Variants in GAK observed in about 807,000 individuals in gnomAD.
GAK encodes cyclin G associated kinase, also known as cyclin-G-associated kinase.
Under a neutral mutation model 143.9 loss-of-function variants are expected in GAK, and 79 were observed. The ratio of observed to expected loss-of-function variants is 0.55; its 90% CI spans 0.46 to 0.66. The LOEUF (loss-of-function observed/expected upper bound fraction) is 0.66. GAK is among the 30% of genes least tolerant of loss of function. GAK has a pLI of 0.00. For synonymous variants in GAK, 881 were observed against 765.5 expected (o/e 1.15, Z -2.49); for missense variants, 1,693 against 1,779.7 (o/e 0.95, Z 0.88).
intron 1 of GAK, among the ~76,000 whole-genome samples, chr4:918,801 C>G (rs532478910): frequency 1.3e-5 from 2 of 152,008 alleles, no homozygotes; most frequent in East Asian, 3.9e-4. Context: ...CCAAAGGCCT[C>G]AGCGCCGCAT....
At chr4:889,740 C>T (rs1406062153) in intron 10 of GAK, among the ~76,000 whole-genome samples, 1 of 152,334 alleles carries the variant, frequency 6.6e-6, no homozygotes, top group Non-Finnish European at 1.5e-5. Context: ...CAGCGCCATG[C>T]AGAGCTGCAG....
At chr4:875,604 C>G (rs573986630) in intron 18 of GAK, among the ~76,000 whole-genome samples, 1 of 152,350 alleles carries the variant, frequency 6.6e-6, no homozygotes, top group South Asian at 2.1e-4. Context: ...TGGGAGCCCC[C>G]GTGGGTGCCC....
intron 19 of GAK, among the ~76,000 whole-genome samples, chr4:870,405 G>A (rs1712299030): frequency 6.6e-6 from 1 of 152,168 alleles, no homozygotes; most frequent in Admixed American, 6.5e-5. Context: ...ACAAAAATCT[G>A]ACCCAGACAC....
intron 7 of GAK, among the ~76,000 whole-genome samples, chr4:895,720 T>G (rs944264537): frequency 6.6e-6 from 1 of 152,132 alleles, no homozygotes; most frequent in Non-Finnish European, 1.5e-5. Flanking sequence ...CCTCGGTCAA[T>G]GGGGACATGG....
At chr4:872,477 C>T (rs1712870442) in intron 18 of GAK, 2 of 152,336 alleles carry the variant, frequency 1.3e-5, no homozygotes, top group South Asian at 4.1e-4. Flanking sequence ...GAGGCAACGT[C>T]TGCAGAGGAG....
Position 850,231 on chromosome 4 carries a change from T to G in GAK, c.3658-163A>C, listed in dbSNP as rs997224344. The G allele has an allele frequency of 9.7e-6, 6 of 617,252 alleles. No individual in the cohort carries two copies. In the Admixed American group the frequency reaches 1.6e-4, roughly 16 times the overall value. 38.2% of individuals were successfully genotyped at this position (617,252 alleles called of 1,614,324 possible). Reference sequence around the variant, plus strand: ...ACTGCACGCCCTGCCCTCAACTATATAGAGCCCACTCCGGACGACACAGGG... The same window carrying G: ...ACTGCACGCCCTGCCCTCAACTATAGAGAGCCCACTCCGGACGACACAGGG... On this transcript the variant is annotated intron_variant, in intron 26 of 27. Coordinates refer to ENST00000314167, the MANE Select transcript of GAK (RefSeq NM_005255.4).
At position 904,661 on chromosome 4, in the gene GAK, C is replaced by T. The variant is rs376265226; in HGVS notation, c.501G>A (p.Pro167=). The T allele has an allele frequency of 3.3e-5, 53 of 1,600,112 alleles. No individual in the cohort carries two copies. In the South Asian group the frequency reaches 4.8e-4, roughly 14 times the overall value. The change falls in exon 5 of 28, where the codon CCG becomes CCA. Residue 167 remains proline, a synonymous_variant. Coordinates refer to ENST00000314167, the MANE Select transcript of GAK (RefSeq NM_005255.4). The stretch of plus-strand genomic sequence containing the variant: ...CCTTGAGGTCCCTGTGGATGATGGG[C>T]GGCTTCTGCCGGTGCATGTGCTGCA... ...RAVQHMHRQK[P]PIIHRDLKVE...
In GAK at chr4:884,004, G is replaced by A. The variant is rs1715715858; in HGVS notation, c.1255+33C>T. The A allele has an allele frequency of 3.7e-6, 6 of 1,602,888 alleles. No homozygotes were observed. The East Asian group carries it at 1.1e-4, about 30-fold the overall frequency. ...CACTGGGCACACAGGGAAGGGCCGG[G>A]GCGCGTCCCACAGCCTCATGTGGCA... On this transcript the variant is annotated intron_variant, in intron 12 of 27. Transcript: ENST00000314167.
intron 23 of GAK, among the ~76,000 whole-genome samples, 177 bp from the exon 24 acceptor site, chr4:859,899 G>A (rs1489088151): frequency 6.6e-6 from 1 of 152,138 alleles, no homozygotes; most frequent in African/African-American, 2.4e-5. Flanking sequence ...GGCGGACGCT[G>A]CCTCCATGCC....
chr4:915,977 A>G (rs1420206464), intron 1 of GAK, among the ~76,000 whole-genome samples: 4 of 152,240 alleles, frequency 2.6e-5, no homozygotes, highest in Admixed American at 1.3e-4. Context: ...AATCTACTAA[A>G]GAAAAGCTAC....
chr4:888,877 G>T lies in GAK; in HGVS notation c.1175C>A (p.Thr392Asn), dbSNP rs1233246003. The part of the protein sequence containing the change: ...TERLFTNLKD[T>N]SSKVIQSVAN... ...GACGGACTGGATGACCTTGGAGGAG[G>T]TGTCCTTGAGGTTGGTGAAGAGCCG... is the stretch of plus-strand genomic sequence containing the variant. Residue 392 changes from threonine to asparagine, a missense_variant, in exon 11 of 28, where the codon ACC becomes AAC. Thr to Asn is a moderately conservative substitution (Grantham distance 65, BLOSUM62 0). Coordinates refer to ENST00000314167, the MANE Select transcript of GAK (RefSeq NM_005255.4). 1.2e-6 allele frequency: 2 copies of T among 1,610,264 alleles called. No homozygotes were observed. The highest frequency in any genetic ancestry group is 2.2e-5 in the East Asian group (1 of 44,742).
intron 1 of GAK, among the ~76,000 whole-genome samples, chr4:920,123 G>A (rs552189545): frequency 4.6e-5 from 7 of 152,084 alleles, no homozygotes; most frequent in African/African-American, 1.4e-4. Flanking sequence ...CCTGGCTAAC[G>A]CAGTGAGACC....
At position 888,957 on chromosome 4, in the gene GAK, C is replaced by T. The variant is rs750576184; in HGVS notation, c.1095G>A (p.Ala365=). Residue 365 remains alanine, a synonymous_variant, in exon 11 of 28, where the codon GCG becomes GCA. Coordinates refer to ENST00000314167, the MANE Select transcript of GAK (RefSeq NM_005255.4). ...GSGYSGGLAL[A]EYDQPYGGFL... ...AGCCGCCATACGGCTGGTCGTACTC[C>T]GCCAGCGCCAGGCCTGCAGGGAGAC... The T allele has an allele frequency of 1.1e-5, 18 of 1,611,162 alleles. No individual in the cohort carries two copies. Among genetic ancestry groups the T allele is most frequent in the East Asian group, 6.7e-5 (3 of 44,840 alleles).
intron 1 of GAK, among the ~76,000 whole-genome samples, chr4:929,305 G>A (rs1370035122): frequency 6.6e-6 from 1 of 152,218 alleles, no homozygotes; most frequent in African/African-American, 2.4e-5. Flanking sequence ...CCAACCAAAC[G>A]CACGAGGCGG....
At chr4:893,604 C>G in intron 8 of GAK, 115 bp from the exon 9 acceptor site, 1 of 759,558 alleles carries the variant, frequency 1.3e-6, no homozygotes, top group Non-Finnish European at 2.0e-6. Context: ...ACATCAGTGA[C>G]GTCAGAAGCA....
At chr4:881,766 T>C in intron 15 of GAK, 141 bp downstream of exon 15, 1 of 1,062,212 alleles carries the variant, frequency 9.4e-7, no homozygotes, top group Non-Finnish European at 1.3e-6. Context: ...GGCTCAGCCA[T>C]GGCTCCGCGA....
intron 15 of GAK, among the ~76,000 whole-genome samples, chr4:881,037 TCCC>T (rs531861246): frequency 1.3e-5 from 2 of 151,856 alleles, no homozygotes; most frequent in Non-Finnish European, 2.9e-5. Context: ...AATGATCTCC[TCCC>T]CCCAAGGCTG....
chr4:856,677 A>ACCATAGCT, intron 24 of GAK, among the ~76,000 whole-genome samples: 2 of 148,498 alleles, frequency 1.3e-5, no homozygotes, highest in African/African-American at 5.0e-5. Context: ...ACAGCTGCTC[A>ACCATAGCT]CACCTGCTCA....
chr4:923,533 G>C (rs1052596026), intron 1 of GAK, among the ~76,000 whole-genome samples: 1 of 152,182 alleles, frequency 6.6e-6, no homozygotes, highest in African/African-American at 2.4e-5. Flanking sequence ...AAATTAGCCA[G>C]GCGTGGTGGT....
Sources: allele counts gnomAD v4.1 joint callset (sites outside exome capture counted in the v4.1 genomes callset), GRCh38; gene constraint gnomAD v4.1.1; transcripts MANE v1.5; gene names NCBI Gene and HGNC (gene_info 2026-07-23, HGNC 2026-07-21).